The following TXNDC9 variants were observed in gnomAD, a reference collection of about 807,000 sequenced individuals.
TXNDC9 encodes the protein thioredoxin domain-containing protein 9.
Under a neutral mutation model 23.0 loss-of-function variants are expected in TXNDC9, and 7 were observed. That is an observed-to-expected ratio of 0.30 (90% CI 0.17 to 0.57). The LOEUF is 0.57. Ranked by LOEUF, TXNDC9 falls within the 20% of genes least tolerant of loss-of-function variation. The probability of loss-of-function intolerance (pLI) is 0.90; values close to 1 mark genes in which losing one functional copy is unlikely to be tolerated. For missense variants in TXNDC9, 198 were observed against 252.6 expected (o/e 0.78, Z 1.47); for synonymous variants, 72 against 90.6 (o/e 0.79, Z 1.17).
the TXNDC9 span, among the ~76,000 whole-genome samples, chr2:99,309,626 G>A: frequency 1.3e-5 from 2 of 152,066 alleles, no homozygotes; most frequent in African/African-American, 4.8e-5. Context: ...CTGAGGTCAG[G>A]AGTTCGAGAC....
At position 99,326,029 on chromosome 2, in the gene TXNDC9, CAAA is replaced by C. The variant is rs557671573; in HGVS notation, c.308+1503_308+1505del. On this transcript the variant is annotated intron_variant, in intron 3 of 4. Coordinates refer to ENST00000264255, the MANE Select transcript of TXNDC9 (RefSeq NM_005783.4). ...CTGTCTCAAAAACAAAAAAAAACAA[CAAA>C]AAAAAAACAAGTGGACAAATAATAT... 2.4e-4 allele frequency among the ~76,000 whole-genome samples: 35 copies of C among 143,858 alleles called. No individual in the cohort carries two copies. In the South Asian group the frequency reaches 7.3e-3, roughly 30 times the overall value. 94.4% of individuals were successfully genotyped at this position (143,858 alleles called of 152,430 possible).
chr2:99,312,734 TTGAAAGAAGTTATCTG>T, the TXNDC9 span, among the ~76,000 whole-genome samples: 2 of 152,366 alleles, frequency 1.3e-5, no homozygotes, highest in East Asian at 3.9e-4. Context: ...GCATCAAATC[TTGAAAGAAGTTATCTG>T]TGGAGATGAG....
At chr2:99,310,816 AC>A in the TXNDC9 span, among the ~76,000 whole-genome samples, 1 of 152,150 alleles carries the variant, frequency 6.6e-6, no homozygotes, top group South Asian at 2.1e-4. Context: ...TAAGCCACCA[AC>A]ATTGTGGTAA....
At chr2:99,332,271 C>T (rs2094227812) in intron 2 of TXNDC9, among the ~76,000 whole-genome samples, 1 of 152,094 alleles carries the variant, frequency 6.6e-6, no homozygotes, top group African/African-American at 2.4e-5. Flanking sequence ...GGCGAAACCC[C>T]ATCTCTACTA....
At chr2:99,325,844 C>T (rs1480527926) in intron 3 of TXNDC9, among the ~76,000 whole-genome samples, 3 of 152,062 alleles carry the variant, frequency 2.0e-5, no homozygotes, top group African/African-American at 7.2e-5. Context: ...AACCCTGTCT[C>T]TACTAAAAAG....
At chr2:99,324,821 A>G (rs1183781359) in intron 3 of TXNDC9, among the ~76,000 whole-genome samples, 6 of 151,950 alleles carry the variant, frequency 3.9e-5, no homozygotes, top group South Asian at 4.2e-4. Flanking sequence ...TCTCAGCTCA[A>G]TGCAACCTCC....
At chr2:99,320,020 C>G (rs2094197736) in intron 4 of TXNDC9, among the ~76,000 whole-genome samples, 1 of 152,016 alleles carries the variant, frequency 6.6e-6, no homozygotes, top group Non-Finnish European at 1.5e-5. Context: ...ATTTTCCTTT[C>G]TTTTTGAGAC....
chr2:99,316,343 A>T (rs1327353522), downstream of TXNDC9, among the ~76,000 whole-genome samples: 5 of 151,848 alleles, frequency 3.3e-5, no homozygotes, highest in Non-Finnish European at 5.9e-5. Context: ...GCTAATTTTT[A>T]AAAATTTTTT....
At chr2:99,322,771 A>AT (rs1362076450) in intron 3 of TXNDC9, 1 of 1,334,284 alleles carries the variant, frequency 7.5e-7, no homozygotes, top group Non-Finnish European at 9.7e-7. Context: ...TTTATTTTTT[A>AT]TTTTTTTGGA....
chr2:99,325,573 T>C (rs1028475336), intron 3 of TXNDC9, among the ~76,000 whole-genome samples: 4 of 152,246 alleles, frequency 2.6e-5, no homozygotes, highest in East Asian at 1.9e-4. Context: ...ATGCACTGTT[T>C]ATACACCATC....
At chr2:99,320,893 G>C (rs1470873785) in intron 4 of TXNDC9, among the ~76,000 whole-genome samples, 1 of 151,952 alleles carries the variant, frequency 6.6e-6, no homozygotes, top group African/African-American at 2.4e-5. Context: ...TAGTCTGCAG[G>C]GGGTTGTTTC....
intron 1 of TXNDC9, among the ~76,000 whole-genome samples, chr2:99,335,044 G>C (rs746210585): frequency 6.6e-6 from 1 of 152,210 alleles, no homozygotes; most frequent in Non-Finnish European, 1.5e-5. Context: ...AAGAAATGGA[G>C]TATTTTGTAC....
chr2:99,312,577 G>A, the TXNDC9 span, among the ~76,000 whole-genome samples: 1 of 151,880 alleles, frequency 6.6e-6, no homozygotes, highest in East Asian at 1.9e-4. Context: ...TTAGAGAGGT[G>A]GCACTACTGT....
At chr2:99,332,389 G>A (rs531190476) in intron 2 of TXNDC9, among the ~76,000 whole-genome samples, 2 of 152,330 alleles carry the variant, frequency 1.3e-5, no homozygotes, top group South Asian at 2.1e-4. Flanking sequence ...GTTGCAGTGA[G>A]TTGAGATGAC....
Position 99,321,980 on chromosome 2 carries a change from C to T in TXNDC9, c.538G>A (p.Gly180Ser), listed in dbSNP as rs954245673. 8.7e-6 allele frequency: 14 copies of T among 1,611,252 alleles called. No homozygotes were observed. In the African/African-American group the frequency reaches 9.4e-5, roughly 11 times the overall value. The change falls in exon 4 of 5, where the codon GGT becomes AGT. Residue 180 changes from glycine (G) to serine (S), a missense_variant. By Grantham distance (56) the Gly-to-Ser change is moderately conservative. Transcript: ENST00000264255. ...CTGTAATTAAGAATGTCAGAAGAAC[C>T]GAGCCTCCATTCTAAAGTTTCTGTG... ...FTTETLEWRL[G>S]SSDILNYSGN...
rs552809793 is a variant in TXNDC9, at chr2:99,319,437, T to G, written c.*245A>C. ...TAAAGATGTAAGAATCATATTGTGA[T>G]AAAGTCAATCTCAAAAATAGAGAAT... On this transcript the variant is annotated 3_prime_UTR_variant, in exon 5 of 5. Coordinates refer to ENST00000264255, the MANE Select transcript of TXNDC9 (RefSeq NM_005783.4). The G allele has an allele frequency of 2.9e-6, 1 of 344,538 alleles. No homozygotes were observed. Among genetic ancestry groups the G allele is most frequent in the Non-Finnish European group, 5.2e-6 (1 of 193,306 alleles). The allele number at this position is 344,538 out of a possible 1,614,324, so 21.3% of individuals were successfully genotyped here.
downstream of TXNDC9, among the ~76,000 whole-genome samples, chr2:99,315,948 A>G (rs1442969063): frequency 6.6e-6 from 1 of 152,106 alleles, no homozygotes; most frequent in Admixed American, 6.6e-5. Context: ...GGTCCACATA[A>G]ATTTTAAGAT....
chr2:99,330,270 A>G (rs2094221567), intron 2 of TXNDC9, among the ~76,000 whole-genome samples: 1 of 130,568 alleles, frequency 7.7e-6, no homozygotes, highest in Non-Finnish European at 1.6e-5. Flanking sequence ...AGCCGGGGCA[A>G]CAGAGCAAGA....
chr2:99,311,082 G>A, the TXNDC9 span, among the ~76,000 whole-genome samples: 1 of 152,008 alleles, frequency 6.6e-6, no homozygotes, highest in Non-Finnish European at 1.5e-5. Context: ...CTGGAGTGCA[G>A]TGGCACAATC....
Sources: gnomAD v4.1 joint callset for allele counts (sites outside exome capture counted in the v4.1 genomes callset) on GRCh38, gnomAD v4.1.1 for gene constraint, MANE v1.5 for transcripts, NCBI Gene and HGNC (gene_info 2026-07-23, HGNC 2026-07-21) for gene names.